The following KIAA0319 variants were observed in gnomAD, a reference collection of about 807,000 sequenced individuals.
The protein encoded by KIAA0319 is KIAA0319.
A neutral mutation model predicts 108.4 loss-of-function variants in KIAA0319; 83 were observed. That is an observed-to-expected ratio of 0.77 (90% CI 0.64 to 0.92). The LOEUF is 0.92. KIAA0319 is among the 40% of genes least tolerant of loss of function. KIAA0319 has a pLI of 0.00. For synonymous variants in KIAA0319, 484 were observed against 510.4 expected (o/e 0.95, Z 0.70); for missense variants, 1,195 against 1,322.4 (o/e 0.90, Z 1.49).
chr6:24,617,020 G>A (rs1040495676), intron 1 of KIAA0319, among the ~76,000 whole-genome samples: 2 of 151,950 alleles, frequency 1.3e-5, no homozygotes, highest in African/African-American at 4.8e-5. Flanking sequence ...GATGTTAAAG[G>A]GATGGTCAAG....
At position 24,579,513 on chromosome 6, in the gene KIAA0319, CTTATA is replaced by C. The variant is rs938816478; in HGVS notation, c.1372+340_1372+344del. On this transcript the variant is annotated intron_variant, in intron 8 of 20. Coordinates refer to ENST00000378214, the MANE Select transcript of KIAA0319 (RefSeq NM_014809.4). ...TATATCTTATATATCTCATATATAT[CTTATA>C]TATCTTATATATATATACATATATA... 6.3e-5 allele frequency among the ~76,000 whole-genome samples: 9 copies of C among 142,052 alleles called. No homozygotes were observed. The East Asian group carries it at 1.8e-3, about 29-fold the overall frequency. The allele number at this position is 142,052 out of a possible 152,430, so 93.2% of individuals were successfully genotyped here. A position where few individuals can be genotyped will look rare whatever the true frequency, so the allele number is the denominator to read the frequency against.
At chr6:24,631,659 C>G (rs1016521407) in intron 1 of KIAA0319, among the ~76,000 whole-genome samples, 1 of 152,150 alleles carries the variant, frequency 6.6e-6, no homozygotes, top group African/African-American at 2.4e-5. Flanking sequence ...AATATTCTCC[C>G]TAATTATGGA....
intron 1 of KIAA0319, among the ~76,000 whole-genome samples, chr6:24,613,359 A>AT (rs918100503): frequency 5.2e-4 from 78 of 150,266 alleles, no homozygotes; most frequent in African/African-American, 1.7e-3. Context: ...CAGGTGAATA[A>AT]TTTTTTTTTT....
chr6:24,585,031 T>C (rs1767244536), intron 4 of KIAA0319, among the ~76,000 whole-genome samples: 1 of 152,176 alleles, frequency 6.6e-6, no homozygotes, highest in Non-Finnish European at 1.5e-5. Context: ...CCAAAATACA[T>C]GGCCCACAGA....
chr6:24,622,976 T>G (rs143448376), intron 1 of KIAA0319, among the ~76,000 whole-genome samples: 1 of 151,554 alleles, frequency 6.6e-6, no homozygotes, highest in African/African-American at 2.4e-5. Context: ...GAGATGGAGG[T>G]TGCAGTGAAC....
intron 3 of KIAA0319, among the ~76,000 whole-genome samples, chr6:24,593,278 G>A: frequency 6.6e-6 from 1 of 151,574 alleles, no homozygotes; most frequent in Non-Finnish European, 1.5e-5. Context: ...TTTCTTGTAG[G>A]ATAATTATAA....
chr6:24,576,935 C>CA lies in KIAA0319; in HGVS notation c.1506-340dup, dbSNP rs200255814. ...GCAACAGACTGTCACAAAAAACAACCAAAAAAAAAAGAAAAAAAGTAGACA... is the reference window on the plus strand; with the variant it reads ...GCAACAGACTGTCACAAAAAACAACCAAAAAAAAAAAGAAAAAAAGTAGACA... On this transcript the variant is annotated intron_variant, in intron 9 of 20. Coordinates refer to ENST00000378214, the MANE Select transcript of KIAA0319 (RefSeq NM_014809.4). 2.3e-3 allele frequency among the ~76,000 whole-genome samples: 314 copies of CA among 136,926 alleles called. 2 individuals carry two copies. The highest frequency in any genetic ancestry group is 6.2e-3 in the African/African-American group (229 of 37,020). The allele number at this position is 136,926 out of a possible 152,430, so 89.8% of individuals were successfully genotyped here. A position where few individuals can be genotyped will look rare whatever the true frequency, so the allele number is the denominator to read the frequency against.
intron 1 of KIAA0319, among the ~76,000 whole-genome samples, chr6:24,631,980 C>T (rs2127588590): frequency 6.6e-6 from 1 of 152,346 alleles, no homozygotes. Flanking sequence ...CCTTTAGTAT[C>T]AGGCAACTGT....
chr6:24,608,335 C>T (rs536756388), intron 1 of KIAA0319, among the ~76,000 whole-genome samples: 6 of 152,072 alleles, frequency 3.9e-5, no homozygotes, highest in East Asian at 1.9e-4. Flanking sequence ...GTCTCAATAT[C>T]ATAAATATAT....
chr6:24,572,376 G>A lies in KIAA0319; in HGVS notation c.1858+199C>T, dbSNP rs140496713. 5.3e-4 allele frequency among the ~76,000 whole-genome samples: 80 copies of A among 152,346 alleles called. No homozygotes were observed. In the East Asian group the frequency reaches 6.4e-3, roughly 12 times the overall value. On this transcript the variant is annotated intron_variant, in intron 11 of 20. Coordinates refer to ENST00000378214, the MANE Select transcript of KIAA0319 (RefSeq NM_014809.4). ...CAAATCGGAGCCCACAAGCAGTGCT[G>A]TGGATGGCTCTCATTTCATCCTTCA...
At chr6:24,566,794 C>T in intron 13 of KIAA0319, 46 bp from the exon 14 acceptor site, 2 of 1,524,050 alleles carry the variant, frequency 1.3e-6, no homozygotes, top group Non-Finnish European at 1.8e-6. Flanking sequence ...TGATTTAAAA[C>T]ACCAGTGATA....
chr6:24,540,652 T>TCTTC (rs150243945), downstream of KIAA0319, among the ~76,000 whole-genome samples: 11 of 143,374 alleles, frequency 7.7e-5, no homozygotes, highest in African/African-American at 2.8e-4. Context: ...CTTTGTTTCT[T>TCTTC]TTTTTTTTTT....
rs145090405 is a variant in KIAA0319, at chr6:24,590,814, C to T, written c.802-2029G>A. ...GGAATCACATGCCAATTCTTCCCTT[C>T]ACTATTCAGTAATCCACCCACAACC... is the stretch of plus-strand genomic sequence containing the variant. On this transcript the variant is annotated intron_variant, in intron 3 of 20. Transcript: ENST00000378214. 2.1e-3 allele frequency among the ~76,000 whole-genome samples: 320 copies of T among 152,314 alleles called. 1 individual carries two copies. The highest frequency in any genetic ancestry group is 6.9e-3 in the African/African-American group (287 of 41,574).
intron 16 of KIAA0319, among the ~76,000 whole-genome samples, chr6:24,561,399 A>G (rs1189718843): frequency 6.6e-6 from 1 of 152,148 alleles, no homozygotes; most frequent in African/African-American, 2.4e-5. Context: ...TACTAATTCA[A>G]TCTCTTTATT....
At chr6:24,586,468 T>C (rs76709041) in intron 4 of KIAA0319, among the ~76,000 whole-genome samples, 4,658 of 152,274 alleles carry the variant, frequency 0.031, 96 homozygotes, top group Middle Eastern at 0.058. Flanking sequence ...GAAGGGTGAC[T>C]ACATTCCAAG....
At position 24,599,109 on chromosome 6, in the gene KIAA0319, TC is replaced by T; in HGVS notation, c.55+1939del. 1.5e-6 allele frequency: 1 copy of T among 687,144 alleles called. No individual in the cohort carries two copies. The allele number at this position is 687,144 out of a possible 1,614,324, so 42.6% of individuals were successfully genotyped here. ...GGTGCTGTCCATGGACAACAGCTGG[TC>T]CCTGGACATGGACAGCATCATTGCT... On this transcript the variant is annotated intron_variant, in intron 2 of 20. Coordinates refer to ENST00000378214, the MANE Select transcript of KIAA0319 (RefSeq NM_014809.4). The surrounding 1 kb of genome is among the most constrained non-coding windows in gnomAD (Gnocchi z 4.1).
chr6:24,554,389 C>A (rs1207045859), intron 19 of KIAA0319, 152 bp downstream of exon 19: 2 of 630,888 alleles, frequency 3.2e-6, no homozygotes, highest in African/African-American at 3.7e-5. Flanking sequence ...CTCTAATATT[C>A]CATTTATTTA....
chr6:24,595,560 A>AAAG (rs67037309), intron 3 of KIAA0319, among the ~76,000 whole-genome samples: 1 of 149,600 alleles, frequency 6.7e-6, no homozygotes, highest in East Asian at 2.0e-4. Flanking sequence ...AAAAAAAAAA[A>AAAG]AAAAAAAAAA....
chr6:24,582,958 C>T, intron 5 of KIAA0319: 1 of 432,814 alleles, frequency 2.3e-6, no homozygotes, highest in African/African-American at 2.1e-5. Context: ...CAAATATTAT[C>T]ATCTCTGTGT....
Sources: allele counts gnomAD v4.1 joint callset (sites outside exome capture counted in the v4.1 genomes callset), GRCh38; gene constraint gnomAD v4.1.1; non-coding constraint Gnocchi (gnomAD v3.1); transcripts MANE v1.5; gene names NCBI Gene and HGNC (gene_info 2026-07-23, HGNC 2026-07-21).